Variants in HSD17B12 observed in about 807,000 individuals in gnomAD.
HSD17B12 encodes the protein hydroxysteroid 17-beta dehydrogenase 12.
A neutral mutation model predicts 39.3 loss-of-function variants in HSD17B12; 32 were observed. That is an observed-to-expected ratio of 0.81 (90% CI 0.61 to 1.09). The LOEUF is 1.09. Ranked by LOEUF, HSD17B12 falls within the 50% of genes least tolerant of loss-of-function variation. HSD17B12 has a pLI of 0.00. For missense variants in HSD17B12, 342 were observed against 382.9 expected, an observed-to-expected ratio of 0.89 and a Z score of 0.89; for synonymous variants, 150 against 146.7, an observed-to-expected ratio of 1.02 and a Z score of -0.16.
chr11:43,579,744 G>T, the HSD17B12 span, among the ~76,000 whole-genome samples: 1 of 152,116 alleles, frequency 6.6e-6, no homozygotes, highest in Non-Finnish European at 1.5e-5. Flanking sequence ...CCGTGGGAGG[G>T]TGAGTGGGTC....
chr11:43,829,425 A>T (rs1424645703), intron 6 of HSD17B12, among the ~76,000 whole-genome samples: 1 of 152,146 alleles, frequency 6.6e-6, no homozygotes, highest in African/African-American at 2.4e-5. Context: ...GTTTTATGTT[A>T]TGGGGTTTTG....
chr11:43,754,610 T>C (rs753925417), intron 3 of HSD17B12, among the ~76,000 whole-genome samples: 1 of 152,076 alleles, frequency 6.6e-6, no homozygotes, highest in Non-Finnish European at 1.5e-5. Context: ...TTTTTAAAAA[T>C]TGTTTTAGGG....
intron 1 of HSD17B12, among the ~76,000 whole-genome samples, chr11:43,705,671 G>A (rs1448744254): frequency 1.3e-5 from 2 of 151,390 alleles, no homozygotes; most frequent in Admixed American, 1.3e-4. Context: ...TAAGTATAAA[G>A]GTTGTGAAAT....
intron 4 of HSD17B12, among the ~76,000 whole-genome samples, chr11:43,810,002 G>A (rs10838176): frequency 0.33 from 50,518 of 151,910 alleles, 9,791 homozygotes; most frequent in East Asian, 0.69. Context: ...CGGGAAGCCC[G>A]GCCATTAGGC....
At chr11:43,649,265 T>A in the HSD17B12 span, among the ~76,000 whole-genome samples, 1 of 152,086 alleles carries the variant, frequency 6.6e-6, no homozygotes, top group South Asian at 2.1e-4. Flanking sequence ...GAATTTGAAT[T>A]TGTAATGTAA....
At chr11:43,817,042 A>C (rs11037657) in intron 6 of HSD17B12, among the ~76,000 whole-genome samples, 2 of 82,450 alleles carry the variant, frequency 2.4e-5, no homozygotes, top group African/African-American at 7.7e-5. Flanking sequence ...ATCTATATCT[A>C]TATATATATA....
chr11:43,631,525 A>C, the HSD17B12 span, among the ~76,000 whole-genome samples: 2 of 151,852 alleles, frequency 1.3e-5, no homozygotes. Context: ...GAACAAATAA[A>C]AGGTGTTCTC....
At chr11:43,788,305 A>T (rs1013585286) in intron 3 of HSD17B12, among the ~76,000 whole-genome samples, 8 of 152,198 alleles carry the variant, frequency 5.3e-5, no homozygotes, top group African/African-American at 1.9e-4. Flanking sequence ...AGAGAGACAC[A>T]TTTCATATGA....
At chr11:43,746,535 A>G (rs1433074762) in intron 1 of HSD17B12, among the ~76,000 whole-genome samples, 1 of 152,206 alleles carries the variant, frequency 6.6e-6, no homozygotes, top group Admixed American at 6.5e-5. Context: ...GCCATCTCCT[A>G]TGATAACAGT....
chr11:43,678,454 A>C (rs939871665), upstream of HSD17B12, among the ~76,000 whole-genome samples: 18 of 152,056 alleles, frequency 1.2e-4, no homozygotes, highest in African/African-American at 4.1e-4. Flanking sequence ...CCCATTTGTC[A>C]ATTTTGGCTT....
chr11:43,695,945 G>A (rs114807314), intron 1 of HSD17B12, among the ~76,000 whole-genome samples: 1,691 of 152,076 alleles, frequency 0.011, 27 homozygotes, highest in African/African-American at 0.04. Flanking sequence ...TTTCATCACC[G>A]AGGTATTAAG....
At chr11:43,751,804 TTA>T (rs1410674012) in intron 2 of HSD17B12, among the ~76,000 whole-genome samples, 1 of 152,214 alleles carries the variant, frequency 6.6e-6, no homozygotes, top group African/African-American at 2.4e-5. Flanking sequence ...TGTAAGTTAG[TTA>T]TAGACATAAC....
chr11:43,814,288 C>T (rs1485997935), intron 4 of HSD17B12, among the ~76,000 whole-genome samples: 2 of 151,902 alleles, frequency 1.3e-5, no homozygotes, highest in Non-Finnish European at 2.9e-5. Context: ...GCTCTATCAC[C>T]GGGCAATTTT....
At position 43,855,241 on chromosome 11, in the gene HSD17B12, A is replaced by G. The variant is rs764378726; in HGVS notation, c.932A>G (p.Lys311Arg). 2 of 1,598,068 alleles carry G rather than the reference A, an allele frequency of 1.3e-6. No homozygotes were observed. The highest frequency in any genetic ancestry group is 1.7e-6 in the Non-Finnish European group (2 of 1,169,332). The change falls in exon 11 of 11, where the codon AAG becomes AGG. Residue 311 changes from lysine (K) to arginine (R), a missense_variant. Lys to Arg is a conservative substitution (Grantham distance 26). Transcript: ENST00000278353. ...TRAHYLKKTK[K>R]N Reference sequence around the variant, plus strand: ...GCTCACTATCTGAAGAAAACCAAGAAGAACTAAGCATTGATAACTGCATTG... The same window carrying G: ...GCTCACTATCTGAAGAAAACCAAGAGGAACTAAGCATTGATAACTGCATTG...
At chr11:43,602,451 G>A in the HSD17B12 span, among the ~76,000 whole-genome samples, 2 of 152,086 alleles carry the variant, frequency 1.3e-5, no homozygotes, top group Non-Finnish European at 2.9e-5. Context: ...ATTAATTTGT[G>A]GAGTGTTCTC....
chr11:43,721,708 A>C (rs1289437237), intron 1 of HSD17B12, among the ~76,000 whole-genome samples: 1 of 152,174 alleles, frequency 6.6e-6, no homozygotes, highest in Non-Finnish European at 1.5e-5. Context: ...AGGAAAGGCA[A>C]AGCCGAGAGT....
At chr11:43,685,550 G>A (rs1949790514) in intron 1 of HSD17B12, among the ~76,000 whole-genome samples, 1 of 152,224 alleles carries the variant, frequency 6.6e-6, no homozygotes, top group South Asian at 2.1e-4. Context: ...CCAGGAACTT[G>A]AGATTATTTT....
chr11:43,812,182 G>A (rs972113857), intron 4 of HSD17B12, among the ~76,000 whole-genome samples: 13 of 152,146 alleles, frequency 8.5e-5, no homozygotes, highest in African/African-American at 2.6e-4. Context: ...CAATAAACAC[G>A]GGGGTGCAGG....
chr11:43,728,164 C>G (rs1272339621), intron 1 of HSD17B12, among the ~76,000 whole-genome samples: 1 of 152,020 alleles, frequency 6.6e-6, no homozygotes, highest in African/African-American at 2.4e-5. Context: ...TTCCTGGGTT[C>G]AAGTGATTCT....
Sources: allele counts gnomAD v4.1 joint callset (sites outside exome capture counted in the v4.1 genomes callset), GRCh38; gene constraint gnomAD v4.1.1; transcripts MANE v1.5; gene names NCBI Gene and HGNC (gene_info 2026-07-23, HGNC 2026-07-21).